HNRNPA1L3: variants seen among roughly 807,000 people sequenced by gnomAD.
HNRNPA1L3 encodes the protein heterogeneous nuclear ribonucleoprotein A1 like 3.
the HNRNPA1L3 span, chr16:51,645,951 T>C: frequency 7.5e-6 from 12 of 1,605,864 alleles, no homozygotes; most frequent in African/African-American, 1.3e-5. Context: ...GACTGTGTGG[T>C]AATGAGAGAT....
chr16:51,646,215 T>C, the HNRNPA1L3 span: 1 of 1,596,192 alleles, frequency 6.3e-7, no homozygotes, highest in Non-Finnish European at 8.5e-7. Context: ...AAAATTGAAG[T>C]GATTGAAATC....
At chr16:51,645,938 A>C in the HNRNPA1L3 span, 2 of 1,606,582 alleles carry the variant, frequency 1.2e-6, no homozygotes, top group Non-Finnish European at 8.5e-7. Flanking sequence ...GGGAACGCTC[A>C]CGGACTGTGT....
the HNRNPA1L3 span, chr16:51,646,745 A>G: frequency 8.8e-6 from 14 of 1,597,748 alleles, no homozygotes; most frequent in Middle Eastern, 1.7e-4. Context: ...CGGTTCCAGC[A>G]GCAGCAGTAG....
chr16:51,646,238 G>T, the HNRNPA1L3 span: 21 of 1,596,558 alleles, frequency 1.3e-5, no homozygotes, highest in East Asian at 4.0e-4. Flanking sequence ...GACTGACAGA[G>T]GCAGTGGCAA....
At chr16:51,645,924 A>T in the HNRNPA1L3 span, 1 of 1,607,122 alleles carries the variant, frequency 6.2e-7, no homozygotes, top group African/African-American at 1.3e-5. Flanking sequence ...CATTTTGAGC[A>T]ATGGGGAACG....
the HNRNPA1L3 span, chr16:51,647,058 T>C: frequency 6.7e-6 from 3 of 446,026 alleles, no homozygotes; most frequent in South Asian, 7.7e-5. Context: ...TTGCACCCCA[T>C]GCTGTTGATT....
chr16:51,646,067 G>A, the HNRNPA1L3 span: 95 of 1,592,474 alleles, frequency 6.0e-5, 1 homozygote, highest in African/African-American at 6.8e-4. Context: ...TGGAAGAGTT[G>A]TGGAACCAAA....
chr16:51,646,650 G>A, the HNRNPA1L3 span: 1 of 1,598,014 alleles, frequency 6.3e-7, no homozygotes, highest in Non-Finnish European at 8.5e-7. Context: ...CCCATGAAGG[G>A]AGGAAATTTT....
At chr16:51,646,743 G>A in the HNRNPA1L3 span, 35 of 1,595,898 alleles carry the variant, frequency 2.2e-5, no homozygotes, top group South Asian at 3.8e-4. Flanking sequence ...GGCGGTTCCA[G>A]CAGCAGCAGT....
chr16:51,645,950 G>A, the HNRNPA1L3 span: 3 of 1,605,890 alleles, frequency 1.9e-6, no homozygotes, highest in African/African-American at 1.3e-5. Context: ...GGACTGTGTG[G>A]TAATGAGAGA....
the HNRNPA1L3 span, chr16:51,645,990 G>A: frequency 6.2e-7 from 1 of 1,600,708 alleles, no homozygotes; most frequent in Non-Finnish European, 8.5e-7. Context: ...AGGGGCTTTG[G>A]GTTTGTCACA....
the HNRNPA1L3 span, chr16:51,645,933 C>T: frequency 1.3e-4 from 210 of 1,606,316 alleles, no homozygotes; most frequent in Admixed American, 2.3e-4. Context: ...CAATGGGGAA[C>T]GCTCACGGAC....
the HNRNPA1L3 span, chr16:51,646,732 T>C: frequency 1.3e-6 from 2 of 1,598,362 alleles, no homozygotes; most frequent in Non-Finnish European, 1.7e-6. Flanking sequence ...AAGGTGGCTA[T>C]GGCGGTTCCA....
At chr16:51,646,279 C>A in the HNRNPA1L3 span, 10 of 1,595,852 alleles carry the variant, frequency 6.3e-6, no homozygotes, top group Middle Eastern at 6.7e-4. Flanking sequence ...TAACCTTTGA[C>A]GACCATGACT....
the HNRNPA1L3 span, chr16:51,646,145 G>T: frequency 6.9e-6 from 11 of 1,594,194 alleles, no homozygotes; most frequent in Non-Finnish European, 9.3e-6. Context: ...GATATTTGTT[G>T]GTGGCATTAA....
At chr16:51,646,470 G>A in the HNRNPA1L3 span, 311 of 1,597,372 alleles carry the variant, frequency 1.9e-4, no homozygotes, top group Middle Eastern at 6.4e-4. Context: ...AACTTCGGTC[G>A]TGGAGGAAAC....
At chr16:51,646,619 A>C in the HNRNPA1L3 span, 1 of 1,595,928 alleles carries the variant, frequency 6.3e-7, no homozygotes, top group Non-Finnish European at 8.5e-7. Context: ...CAATTACAAC[A>C]ATCAGTCTTC....
chr16:51,646,465 C>T, the HNRNPA1L3 span: 55 of 1,596,520 alleles, frequency 3.4e-5, no homozygotes, highest in African/African-American at 1.2e-4. Flanking sequence ...ATGACAACTT[C>T]GGTCGTGGAG....
the HNRNPA1L3 span, chr16:51,646,107 G>T: frequency 6.3e-7 from 1 of 1,596,242 alleles, no homozygotes; most frequent in Non-Finnish European, 8.5e-7. Context: ...GATTCTCAAA[G>T]ACCAGATGCC....
Sources: gnomAD v4.1 joint callset for allele counts on GRCh38, gnomAD v4.1.1 for gene constraint, MANE v1.5 for transcripts, NCBI Gene and HGNC (gene_info 2026-07-23, HGNC 2026-07-21) for gene names.